Variants in PPIP5K2 observed in about 807,000 individuals in gnomAD.
PPIP5K2 encodes diphosphoinositol pentakisphosphate kinase 2.
PPIP5K2 carries 105 observed loss-of-function variants against 154.6 expected under a neutral mutation model. The ratio of observed to expected loss-of-function variants is 0.68; its 90% CI spans 0.58 to 0.80. PPIP5K2 has a LOEUF of 0.80. PPIP5K2 is among the 30% of genes least tolerant of loss of function. PPIP5K2 has a pLI of 0.00. For missense variants in PPIP5K2, 992 were observed against 1,504.6 expected (o/e 0.66, Z 5.64); for synonymous variants, 480 against 490.3 (o/e 0.98, Z 0.28).
In PPIP5K2 at chr5:103,152,750, G is replaced by A; in HGVS notation, c.1130+1G>A. On this transcript the variant is annotated splice_donor_variant, in intron 10 of 30. Coordinates refer to ENST00000358359, the MANE Select transcript of PPIP5K2 (RefSeq NM_001276277.3). LOFTEE classifies it high-confidence loss of function. ...TTGTACCAACTACATCTGGAACTAT[G>A]TAAGTCTGAATTATTTTCATTTAGA... 3 of 1,528,888 alleles carry A rather than the reference G, an allele frequency of 2.0e-6. No individual in the cohort carries two copies. Among genetic ancestry groups the A allele is most frequent in the Non-Finnish European group, 2.7e-6 (3 of 1,106,750 alleles). 94.7% of individuals were successfully genotyped at this position (1,528,888 alleles called of 1,614,324 possible). A position where few individuals can be genotyped will look rare whatever the true frequency, so the allele number is the denominator to read the frequency against.
chr5:103,136,805 G>A lies in PPIP5K2; in HGVS notation c.384G>A (p.Gln128=), dbSNP rs1554204441. The change falls in exon 4 of 31, where the codon CAG becomes CAA. Residue 128 remains glutamine (Q), a synonymous_variant. Coordinates refer to ENST00000358359, the MANE Select transcript of PPIP5K2 (RefSeq NM_001276277.3). The part of the protein sequence containing the change: ...NPFVINDLNM[Q]YLIQDRREVY... ...TTGTAATCAATGACTTGAATATGCA[G>A]TATCTCATACAAGATAGGTGAGTGG... 6.2e-7 allele frequency: 1 copy of A among 1,612,916 alleles called. No individual in the cohort carries two copies. Among genetic ancestry groups the A allele is most frequent in the African/African-American group, 1.3e-5 (1 of 74,888 alleles).
rs2149707055 is a variant in PPIP5K2, at chr5:103,174,051, A to G, written c.2529+79A>G. On this transcript the variant is annotated intron_variant, in intron 21 of 30. Transcript: ENST00000358359. The stretch of plus-strand genomic sequence containing the variant: ...ATCACTAACTGCTATTTTTACTGTG[A>G]AATTTTAGTAATTCATCCTTAAGTT... The G allele has an allele frequency of 3.7e-6, 4 of 1,090,790 alleles. No homozygotes were observed. In the East Asian group the frequency reaches 1.0e-4, roughly 28 times the overall value. The allele number at this position is 1,090,790 out of a possible 1,614,324, so 67.6% of individuals were successfully genotyped here. A position where few individuals can be genotyped will look rare whatever the true frequency, so the allele number is the denominator to read the frequency against.
chr5:103,171,440 T>C (rs1236259420), intron 19 of PPIP5K2, among the ~76,000 whole-genome samples: 6 of 151,590 alleles, frequency 4.0e-5, no homozygotes, highest in African/African-American at 1.4e-4. Context: ...GACATTCTCA[T>C]TGAAATCACC....
intron 18 of PPIP5K2, 119 bp from the exon 19 acceptor site, chr5:103,167,953 T>C: frequency 1.6e-6 from 1 of 631,126 alleles, no homozygotes; most frequent in Non-Finnish European, 2.6e-6. Flanking sequence ...AAAGTAACTC[T>C]CTAACTTCAT....
intron 19 of PPIP5K2, among the ~76,000 whole-genome samples, chr5:103,170,742 G>A (rs1797855800): frequency 6.6e-6 from 1 of 150,974 alleles, no homozygotes; most frequent in African/African-American, 2.4e-5. Flanking sequence ...AAAAACTGTG[G>A]ACAGAAGGCA....
intron 3 of PPIP5K2, among the ~76,000 whole-genome samples, chr5:103,136,275 C>T (rs1791486842): frequency 1.3e-5 from 2 of 152,102 alleles, no homozygotes; most frequent in South Asian, 4.1e-4. Context: ...GCCTGGCCCA[C>T]TGTTTTTAAA....
chr5:103,126,412 C>T (rs559203156), intron 1 of PPIP5K2, among the ~76,000 whole-genome samples: 7 of 151,918 alleles, frequency 4.6e-5, no homozygotes, highest in South Asian at 2.1e-4. Context: ...TTTTTTTCCC[C>T]GAAAGTTGAT....
In PPIP5K2 at chr5:103,153,951, A is replaced by G. The variant is rs1189771548; in HGVS notation, c.1217+17A>G. On this transcript the variant is annotated intron_variant, in intron 11 of 30. Transcript: ENST00000358359. ...ACATCAGAAGTATGTTTTCAGATGA[A>G]TAATTTAACATGCATGATACAATTT... is the stretch of plus-strand genomic sequence containing the variant. 7 of 1,513,036 alleles carry G rather than the reference A, an allele frequency of 4.6e-6. No individual in the cohort carries two copies. The highest frequency in any genetic ancestry group is 1.4e-5 in the African/African-American group (1 of 71,746). The allele number at this position is 1,513,036 out of a possible 1,614,324, so 93.7% of individuals were successfully genotyped here. A position where few individuals can be genotyped will look rare whatever the true frequency, so the allele number is the denominator to read the frequency against.
At chr5:103,178,299 G>A (rs1041605475) in intron 23 of PPIP5K2, among the ~76,000 whole-genome samples, 2 of 151,746 alleles carry the variant, frequency 1.3e-5, no homozygotes, top group South Asian at 2.1e-4. Flanking sequence ...TGTTGTCTTC[G>A]CTCTATGAAT....
Position 103,163,128 on chromosome 5 carries a change from A to C in PPIP5K2, c.1920+3800A>C, listed in dbSNP as rs545660996. Among the ~76,000 whole-genome samples the C allele has an allele frequency of 4.6e-3, 668 of 146,432 alleles. 6 individuals are homozygous for C. The highest frequency in any genetic ancestry group is 0.015 in the African/African-American group (597 of 39,938). On this transcript the variant is annotated intron_variant, in intron 17 of 30. Coordinates refer to ENST00000358359, the MANE Select transcript of PPIP5K2 (RefSeq NM_001276277.3). ...TTTTTGCATTTTCATATAAATTTTAAAACAAGCTGGTCAAAAATACTGTTG... is the reference window on the plus strand; with the variant it reads ...TTTTTGCATTTTCATATAAATTTTACAACAAGCTGGTCAAAAATACTGTTG...
intron 8 of PPIP5K2, 22 bp from the exon 9 acceptor site, chr5:103,151,231 G>A (rs782483281): frequency 5.0e-5 from 78 of 1,572,368 alleles, no homozygotes; most frequent in Non-Finnish European, 6.4e-5. Context: ...AAACCTTAAA[G>A]TTTATAACTT....
At chr5:103,171,331 C>T (rs1391611916) in intron 19 of PPIP5K2, among the ~76,000 whole-genome samples, 2 of 151,374 alleles carry the variant, frequency 1.3e-5, no homozygotes, top group Non-Finnish European at 3.0e-5. Flanking sequence ...ATTGAGATGA[C>T]ACATATTAAT....
At chr5:103,158,999 C>G (rs1373048337) in intron 16 of PPIP5K2, 147 bp from the exon 17 acceptor site, 1 of 618,248 alleles carries the variant, frequency 1.6e-6, no homozygotes, top group Admixed American at 3.9e-5. Flanking sequence ...TCAAGTAAAA[C>G]TCTAAAATGA....
chr5:103,145,102 A>C (rs1554208726), intron 5 of PPIP5K2, among the ~76,000 whole-genome samples: 1 of 152,174 alleles, frequency 6.6e-6, no homozygotes, highest in Non-Finnish European at 1.5e-5. Context: ...AAAGATTTGA[A>C]CAGATTTTTC....
intron 28 of PPIP5K2, chr5:103,189,266 T>A: frequency 7.0e-7 from 1 of 1,431,008 alleles, no homozygotes. Context: ...GCAGGGTGGC[T>A]TTTTAAATTG....
chr5:103,189,796 G>A (rs1454186234), intron 28 of PPIP5K2, among the ~76,000 whole-genome samples: 2 of 151,948 alleles, frequency 1.3e-5, no homozygotes, highest in Non-Finnish European at 2.9e-5. Flanking sequence ...ATATTTAAAT[G>A]AATCAAACAT....
rs1795691030 is a variant in PPIP5K2, at chr5:103,158,046, A to G, written c.1490-142A>G. 3.5e-6 allele frequency: 3 copies of G among 863,292 alleles called. No individual in the cohort carries two copies. The East Asian group carries it at 8.0e-5, about 23-fold the overall frequency. 53.5% of individuals were successfully genotyped at this position (863,292 alleles called of 1,614,324 possible). On this transcript the variant is annotated intron_variant, in intron 14 of 30. Coordinates refer to ENST00000358359, the MANE Select transcript of PPIP5K2 (RefSeq NM_001276277.3). The stretch of plus-strand genomic sequence containing the variant: ...CTACAAACGGCATTAAGGAACATAC[A>G]TGCAACAGCATTTAAGGAAGAAAAT...
In PPIP5K2 at chr5:103,207,516, CTTG is replaced by C. The variant is rs1293546364; in HGVS notation, c.*5887_*5889del. 3 of 151,950 alleles carry C rather than the reference CTTG, an allele frequency of 2.0e-5. No individual in the cohort carries two copies. Among genetic ancestry groups the C allele is most frequent in the African/African-American group, 7.3e-5 (3 of 41,370 alleles). 9.4% of individuals were successfully genotyped at this position (151,950 alleles called of 1,614,324 possible). On this transcript the variant is annotated 3_prime_UTR_variant, in exon 31 of 31. Coordinates refer to ENST00000358359, the MANE Select transcript of PPIP5K2 (RefSeq NM_001276277.3). ...TGTTATTCACATTTGCTATAGTTCA[CTTG>C]TTGTGCTAATGGTTTTTTCCTTCAC...
rs782522661 is a variant in PPIP5K2 at position 103,176,856 on chromosome 5, A to G, written c.2530-811A>G. ...TTCAGTTCTGATGCTCTATGATTAC[A>G]TGTTTAAAGACCAATGATTCTCAGA... On this transcript the variant is annotated intron_variant, in intron 21 of 30. Coordinates refer to ENST00000358359, the MANE Select transcript of PPIP5K2 (RefSeq NM_001276277.3). The G allele has an allele frequency of 5.7e-6, 8 of 1,394,054 alleles. No homozygotes were observed. In the South Asian group the frequency reaches 7.6e-5, roughly 13 times the overall value. 86.4% of individuals were successfully genotyped at this position (1,394,054 alleles called of 1,614,324 possible).
Sources: allele counts gnomAD v4.1 joint callset (sites outside exome capture counted in the v4.1 genomes callset), GRCh38; gene constraint gnomAD v4.1.1; transcripts MANE v1.5; gene names NCBI Gene and HGNC (gene_info 2026-07-23, HGNC 2026-07-21).